LGSN: variants seen among roughly 807,000 people sequenced by gnomAD.
LGSN encodes lengsin, lens protein with glutamine synthetase domain.
In LGSN, 21 loss-of-function variants were observed where a neutral mutation model predicts 19.5. The observed-to-expected ratio is 1.07, with a 90% confidence interval of 0.76 to 1.55. LGSN has a LOEUF of 1.55. LGSN is among the 40% of genes most tolerant of loss of function. The probability of loss-of-function intolerance (pLI) is 0.00; values close to 1 mark genes in which losing one functional copy is unlikely to be tolerated. For missense variants in LGSN, 673 were observed against 608.5 expected (o/e 1.11, Z -1.12); for synonymous variants, 257 against 215.6 (o/e 1.19, Z -1.68).
the LGSN span, among the ~76,000 whole-genome samples, chr6:63,420,018 C>T: frequency 2.4e-4 from 35 of 144,142 alleles, no homozygotes; most frequent in South Asian, 3.9e-3. Flanking sequence ...ATGGCTAACA[C>T]GGTGAAACCC....
intron 1 of LGSN, among the ~76,000 whole-genome samples, chr6:63,318,665 C>G (rs1562022214): frequency 6.6e-6 from 1 of 152,060 alleles, no homozygotes; most frequent in Non-Finnish European, 1.5e-5. Flanking sequence ...TAAGAGTAAA[C>G]AATCAACATT....
the LGSN span, chr6:63,481,883 A>G: frequency 4.3e-6 from 1 of 231,724 alleles, no homozygotes; most frequent in African/African-American, 2.3e-5. Context: ...AAGATCTTAA[A>G]TCCATCCTGG....
chr6:63,474,872 G>A, the LGSN span, among the ~76,000 whole-genome samples: 5 of 141,926 alleles, frequency 3.5e-5, no homozygotes, highest in African/African-American at 1.3e-4. Context: ...GCGATGATTT[G>A]AGAAGACTCC....
the LGSN span, among the ~76,000 whole-genome samples, chr6:63,461,023 C>T: frequency 6.6e-6 from 1 of 152,176 alleles, no homozygotes; most frequent in Non-Finnish European, 1.5e-5. Flanking sequence ...CTACTGGGGC[C>T]ACTGCCATGC....
chr6:63,350,481 T>G, the LGSN span, among the ~76,000 whole-genome samples: 1 of 152,336 alleles, frequency 6.6e-6, no homozygotes, highest in East Asian at 1.9e-4. Context: ...GATTTAAAAT[T>G]TTTTACTTTA....
At chr6:63,430,315 T>G in the LGSN span, among the ~76,000 whole-genome samples, 2 of 152,194 alleles carry the variant, frequency 1.3e-5, no homozygotes, top group Non-Finnish European at 2.9e-5. Context: ...TGAGAACAGC[T>G]GGTCTCTGGG....
chr6:63,505,565 A>AAAGAAAGAAAGAAAGAAAG, the LGSN span, among the ~76,000 whole-genome samples: 2 of 58,644 alleles, frequency 3.4e-5, no homozygotes, highest in African/African-American at 1.8e-4. Context: ...AAAAAAAAAA[A>AAAGAAAGAAAGAAAGAAAG]AAAGAAAGAA....
At chr6:63,495,446 T>C in the LGSN span, among the ~76,000 whole-genome samples, 1 of 118,084 alleles carries the variant, frequency 8.5e-6, no homozygotes, top group African/African-American at 4.2e-5. Flanking sequence ...TTCTTTCTTT[T>C]TTTCTTTTTC....
chr6:63,436,693 C>G, the LGSN span, among the ~76,000 whole-genome samples: 2 of 152,184 alleles, frequency 1.3e-5, no homozygotes, highest in South Asian at 4.1e-4. Flanking sequence ...TAAGAACACA[C>G]TCATTGGGTT....
the LGSN span, among the ~76,000 whole-genome samples, chr6:63,370,284 G>A: frequency 6.6e-6 from 1 of 152,176 alleles, no homozygotes. Context: ...AGGTATAGAA[G>A]CTAAATCAAC....
the LGSN span, among the ~76,000 whole-genome samples, chr6:63,494,543 T>C: frequency 6.6e-6 from 1 of 152,200 alleles, no homozygotes; most frequent in African/African-American, 2.4e-5. Flanking sequence ...TCTTTGAGAA[T>C]TGGCATTTTA....
At chr6:63,411,164 A>G in the LGSN span, among the ~76,000 whole-genome samples, 1 of 152,224 alleles carries the variant, frequency 6.6e-6, no homozygotes, top group African/African-American at 2.4e-5. Flanking sequence ...TCTCTAAAGA[A>G]TAATATTGAC....
the LGSN span, among the ~76,000 whole-genome samples, chr6:63,511,881 A>C: frequency 6.6e-6 from 1 of 152,214 alleles, no homozygotes; most frequent in African/African-American, 2.4e-5. Flanking sequence ...TTAAATCCAC[A>C]TACTATTTAT....
chr6:63,466,212 T>A, the LGSN span, among the ~76,000 whole-genome samples: 3 of 152,236 alleles, frequency 2.0e-5, no homozygotes, highest in African/African-American at 7.2e-5. Context: ...GACTGCCTCT[T>A]AATCATCTGA....
the LGSN span, among the ~76,000 whole-genome samples, chr6:63,519,307 CA>C: frequency 0.014 from 2,026 of 140,536 alleles, 34 homozygotes; most frequent in African/African-American, 0.048. Flanking sequence ...AACTCTGTCT[CA>C]AAAAAAAAAA....
chr6:63,493,060 CCT>C, the LGSN span, among the ~76,000 whole-genome samples: 13 of 152,186 alleles, frequency 8.5e-5, no homozygotes, highest in African/African-American at 2.9e-4. Flanking sequence ...CTTATTGCCC[CCT>C]CTTTCCTCTC....
chr6:63,569,977 A>G, the LGSN span, among the ~76,000 whole-genome samples: 3 of 152,196 alleles, frequency 2.0e-5, no homozygotes, highest in Non-Finnish European at 4.4e-5. Context: ...TATTAAACTA[A>G]ATACAGCAGA....
chr6:63,293,575 C>G (rs925225809), intron 2 of LGSN: 1 of 335,356 alleles, frequency 3.0e-6, no homozygotes, highest in Non-Finnish European at 5.9e-6. Flanking sequence ...CCTCAACCAA[C>G]ATTACATTCT....
chr6:63,485,349 C>A, the LGSN span, among the ~76,000 whole-genome samples: 1 of 152,152 alleles, frequency 6.6e-6, no homozygotes, highest in Admixed American at 6.5e-5. Context: ...ATCCATGTCC[C>A]TGCAAAGGAC....
Sources: gnomAD v4.1 joint callset for allele counts (sites outside exome capture counted in the v4.1 genomes callset) on GRCh38, gnomAD v4.1.1 for gene constraint, MANE v1.5 for transcripts, NCBI Gene and HGNC (gene_info 2026-07-23, HGNC 2026-07-21) for gene names.